ARIH2: variants seen among roughly 807,000 people sequenced by gnomAD.
ARIH2 encodes the protein ariadne RBR E3 ubiquitin protein ligase 2.
In ARIH2, 12 loss-of-function variants were observed where a neutral mutation model predicts 79.8. The observed-to-expected ratio is 0.15, with a 90% CI of 0.10 to 0.24. The LOEUF (loss-of-function observed/expected upper bound fraction) is 0.24. ARIH2 is among the 10% of genes least tolerant of loss of function. ARIH2 has a pLI of 1.00. For missense variants in ARIH2, 301 were observed against 618.3 expected (o/e 0.49, Z 5.44); for synonymous variants, 224 against 213.9 (o/e 1.05, Z -0.41).
chr3:48,959,649 C>CAAAAAA (rs71077758), intron 3 of ARIH2, among the ~76,000 whole-genome samples: 538 of 49,988 alleles, frequency 0.011, no homozygotes, highest in African/African-American at 0.016. Context: ...TAAAAAATAC[C>CAAAAAA]AAAAAAAAAA....
intron 14 of ARIH2, chr3:48,982,677 C>CT (rs1396841355): frequency 1.9e-6 from 1 of 531,824 alleles, no homozygotes; most frequent in African/African-American, 1.9e-5. Context: ...TGGAGTGGAC[C>CT]TTTTGAGGGT....
intron 11 of ARIH2, among the ~76,000 whole-genome samples, chr3:48,976,425 G>A (rs951351506): frequency 4.6e-5 from 7 of 151,900 alleles, no homozygotes; most frequent in Non-Finnish European, 1.0e-4. Flanking sequence ...TGGCCAGGCT[G>A]GTCTCGAACT....
In ARIH2 at chr3:48,948,288, G is replaced by T. The variant is rs147355532; in HGVS notation, c.256-13324G>T. Among the ~76,000 whole-genome samples the T allele has an allele frequency of 4.1e-3, 609 of 147,710 alleles. 5 individuals are homozygous for T. The highest frequency in any genetic ancestry group is 0.014 in the African/African-American group (560 of 40,022). On this transcript the variant is annotated intron_variant, in intron 3 of 15. Transcript: ENST00000356401. ...CTTTTTATTTTATTTTATTTTTTGAGACGGAGTTTTGCTCTTGTTGCCCAG... is the reference window on the plus strand; with the variant it reads ...CTTTTTATTTTATTTTATTTTTTGATACGGAGTTTTGCTCTTGTTGCCCAG...
chr3:48,968,674 C>T lies in ARIH2; in HGVS notation c.660+19C>T, dbSNP rs774131978. 6.2e-7 allele frequency: 1 copy of T among 1,601,568 alleles called. No homozygotes were observed. Among genetic ancestry groups the T allele is most frequent in the Non-Finnish European group, 8.5e-7 (1 of 1,171,462 alleles). On this transcript the variant is annotated intron_variant, in intron 7 of 15. Transcript: ENST00000356401. ...TGTGGAGGTATGGCCAGCCTTTGTT[C>T]TGCCCTCTGTCTTCCCGGGCCTACC...
At chr3:48,928,230 G>T (rs1279771840) in intron 3 of ARIH2, among the ~76,000 whole-genome samples, 1 of 152,148 alleles carries the variant, frequency 6.6e-6, no homozygotes, top group Non-Finnish European at 1.5e-5. Context: ...CCTCTGGTTT[G>T]CCCTGAATAG....
At chr3:48,962,864 T>G (rs535560503) in intron 4 of ARIH2, among the ~76,000 whole-genome samples, 60 of 151,358 alleles carry the variant, frequency 4.0e-4, no homozygotes, top group Non-Finnish European at 6.9e-4. Flanking sequence ...GTATGGTATG[T>G]TTTTTTTTAT....
At chr3:48,946,930 C>A (rs1043644541) in intron 3 of ARIH2, among the ~76,000 whole-genome samples, 5 of 152,150 alleles carry the variant, frequency 3.3e-5, no homozygotes, top group African/African-American at 1.2e-4. Flanking sequence ...ATACACTTTC[C>A]TTCCCTAGCT....
intron 3 of ARIH2, among the ~76,000 whole-genome samples, chr3:48,961,286 A>G (rs2091230113): frequency 1.3e-5 from 2 of 152,194 alleles, no homozygotes; most frequent in African/African-American, 4.8e-5. Flanking sequence ...ATATGACATG[A>G]AGGAAACTCC....
Position 48,983,420 on chromosome 3 carries a change from T to G in ARIH2, c.*150T>G, listed in dbSNP as rs190920879. On this transcript the variant is annotated 3_prime_UTR_variant, in exon 16 of 16. Coordinates refer to ENST00000356401, the MANE Select transcript of ARIH2 (RefSeq NM_006321.4). ...ACACTGGCAACACCTCTTAGTTGAT[T>G]TCTGTTTTCTTCTCTTTTCACTTTT... 1.1e-4 allele frequency: 76 copies of G among 699,268 alleles called. No individual in the cohort carries two copies. The African/African-American group carries it at 1.1e-3, about 10-fold the overall frequency. The allele number at this position is 699,268 out of a possible 1,614,324, so 43.3% of individuals were successfully genotyped here.
Position 48,982,845 on chromosome 3 carries a change from G to T in ARIH2, c.1327-51G>T, listed in dbSNP as rs952688868. ...GTGCCCACCCCCGTGTACAGGCCCT[G>T]CCCCAGCCACAGCCCACTCACCTTT... On this transcript the variant is annotated intron_variant, in intron 14 of 15. Transcript: ENST00000356401. 4.1e-6 allele frequency: 6 copies of T among 1,456,096 alleles called. No homozygotes were observed. In the African/African-American group the frequency reaches 8.4e-5, roughly 20 times the overall value. 90.2% of individuals were successfully genotyped at this position (1,456,096 alleles called of 1,614,324 possible).
chr3:48,955,412 A>G (rs1360573419), intron 3 of ARIH2, among the ~76,000 whole-genome samples: 1 of 148,714 alleles, frequency 6.7e-6, no homozygotes, highest in Non-Finnish European at 1.5e-5. Flanking sequence ...CCTTTTCTTT[A>G]TAAGTTGTCT....
At chr3:48,920,166 A>G (rs2084604332) in intron 1 of ARIH2, among the ~76,000 whole-genome samples, 1 of 151,610 alleles carries the variant, frequency 6.6e-6, no homozygotes, top group Non-Finnish European at 1.5e-5. Context: ...TTTTTTGTGG[A>G]TACGTGATCT....
At chr3:48,951,994 A>T (rs2107406488) in intron 3 of ARIH2, among the ~76,000 whole-genome samples, 1 of 152,122 alleles carries the variant, frequency 6.6e-6, no homozygotes, top group African/African-American at 2.4e-5. Context: ...GCTGTAATAC[A>T]CGGCAGTGAC....
At chr3:48,939,003 C>T (rs906215805) in intron 3 of ARIH2, among the ~76,000 whole-genome samples, 3 of 150,664 alleles carry the variant, frequency 2.0e-5, no homozygotes, top group Non-Finnish European at 2.9e-5. Context: ...GAGTGTTGCT[C>T]GTCCCCCAGG....
rs546922828 is a variant in ARIH2, at chr3:48,978,892, C to T, written c.962-590C>T. 6.0e-5 allele frequency among the ~76,000 whole-genome samples: 9 copies of T among 151,232 alleles called. No homozygotes were observed. In the East Asian group the frequency reaches 1.4e-3, roughly 23 times the overall value. On this transcript the variant is annotated intron_variant, in intron 11 of 15. Transcript: ENST00000356401. ...AAGAGAATCGCTTGAACCTGGGATG[C>T]AGAGGTTGCAGTAAGCCAAGATCGC...
At chr3:48,981,870 T>C in intron 14 of ARIH2, 142 bp downstream of exon 14, 1 of 631,196 alleles carries the variant, frequency 1.6e-6, no homozygotes, top group Non-Finnish European at 2.7e-6. Context: ...AAAATTCCAC[T>C]TCTGCTCTGG....
intron 11 of ARIH2, among the ~76,000 whole-genome samples, chr3:48,976,888 A>G (rs1395324785): frequency 6.6e-6 from 1 of 151,104 alleles, no homozygotes; most frequent in African/African-American, 2.4e-5. Context: ...TGGGCGATAG[A>G]GCGAGACTCT....
chr3:48,925,418 C>CTTT (rs34604342), intron 2 of ARIH2, among the ~76,000 whole-genome samples: 3 of 145,410 alleles, frequency 2.1e-5, no homozygotes, highest in African/African-American at 7.6e-5. Flanking sequence ...CAGCTGATTT[C>CTTT]TTTTTTTTTT....
At chr3:48,956,401 A>C (rs2090575433) in intron 3 of ARIH2, among the ~76,000 whole-genome samples, 1 of 139,194 alleles carries the variant, frequency 7.2e-6, no homozygotes, top group Non-Finnish European at 1.5e-5. Context: ...TGCCTCCCAA[A>C]GTGCTGGGGT....
Sources: gnomAD v4.1 joint callset for allele counts (sites outside exome capture counted in the v4.1 genomes callset) on GRCh38, gnomAD v4.1.1 for gene constraint, MANE v1.5 for transcripts, NCBI Gene and HGNC (gene_info 2026-07-23, HGNC 2026-07-21) for gene names.